The following GRID1 variants were observed in gnomAD, a reference collection of about 807,000 sequenced individuals.
GRID1 encodes the protein glutamate receptor ionotropic, delta-1.
GRID1 carries 28 observed loss-of-function variants against 98.0 expected under a neutral mutation model. That is an observed-to-expected ratio of 0.29 (90% CI 0.21 to 0.39). GRID1 has a LOEUF of 0.39. Ranked by LOEUF, GRID1 falls within the 10% of genes least tolerant of loss-of-function variation. GRID1 has a pLI of 1.00. For synonymous variants in GRID1, 553 were observed against 538.5 expected (o/e 1.03, Z -0.37); for missense variants, 1,111 against 1,340.5 (o/e 0.83, Z 2.67).
intron 12 of GRID1, among the ~76,000 whole-genome samples, chr10:85,675,748 G>A (rs969124769): frequency 1.3e-5 from 2 of 152,220 alleles, no homozygotes; most frequent in African/African-American, 4.8e-5. Flanking sequence ...TTGCCATGCA[G>A]CCTGGTGTGA....
rs1845862059 is a variant in GRID1, at chr10:86,195,666, G to A, written c.520+10698C>T. On this transcript the variant is annotated intron_variant, in intron 3 of 15. Transcript: ENST00000327946. The surrounding 1 kb of genome is among the most constrained non-coding windows in gnomAD (Gnocchi z 4.4). Reference sequence around the variant, plus strand: ...CCGCGGCGACCACGCCATCAGGTGGGTAAGAGGATAACTTCCAGCAAGGAA... The same window carrying A: ...CCGCGGCGACCACGCCATCAGGTGGATAAGAGGATAACTTCCAGCAAGGAA... 6.6e-6 allele frequency among the ~76,000 whole-genome samples: 1 copy of A among 152,160 alleles called. No homozygotes were observed. The highest frequency in any genetic ancestry group is 2.4e-5 in the African/African-American group (1 of 41,458).
chr10:85,899,678 G>A (rs1841351390), intron 5 of GRID1, among the ~76,000 whole-genome samples: 1 of 152,132 alleles, frequency 6.6e-6, no homozygotes, highest in African/African-American at 2.4e-5. Flanking sequence ...GCTTCTGAGG[G>A]CAACCCCTCG....
chr10:86,152,863 T>G (rs1452425619), intron 3 of GRID1, among the ~76,000 whole-genome samples: 1 of 152,344 alleles, frequency 6.6e-6, no homozygotes, highest in South Asian at 2.1e-4. Context: ...CAGGGAGGCT[T>G]CTGCCTTCAC....
At chr10:85,743,953 T>C (rs1841974069) in intron 8 of GRID1, among the ~76,000 whole-genome samples, 2 of 152,138 alleles carry the variant, frequency 1.3e-5, no homozygotes, top group Non-Finnish European at 2.9e-5. Flanking sequence ...AGAATTTAAA[T>C]AAAGTATATA....
chr10:86,161,634 T>C (rs928488979), intron 3 of GRID1, among the ~76,000 whole-genome samples: 2 of 152,106 alleles, frequency 1.3e-5, no homozygotes, highest in African/African-American at 4.8e-5. Flanking sequence ...GGAGGGCTTA[T>C]CTCTCATCAG....
chr10:85,630,619 G>A (rs1842964501), intron 13 of GRID1, among the ~76,000 whole-genome samples: 1 of 152,040 alleles, frequency 6.6e-6, no homozygotes, highest in Non-Finnish European at 1.5e-5. Context: ...GGCACAGGTG[G>A]TCCTTCAAGT....
chr10:86,268,733 A>G (rs1158943298), intron 2 of GRID1, among the ~76,000 whole-genome samples: 2 of 152,210 alleles, frequency 1.3e-5, no homozygotes, highest in Non-Finnish European at 2.9e-5. Flanking sequence ...GCTCACACCT[A>G]TAATCCCAGC....
chr10:85,841,709 A>T (rs1416828370), intron 8 of GRID1, among the ~76,000 whole-genome samples: 1 of 152,184 alleles, frequency 6.6e-6, no homozygotes, highest in Non-Finnish European at 1.5e-5. Context: ...CAGGTAGCCA[A>T]AAATAATATG....
At chr10:86,005,836 T>C (rs1262351886) in intron 4 of GRID1, among the ~76,000 whole-genome samples, 4 of 152,238 alleles carry the variant, frequency 2.6e-5, no homozygotes, top group Admixed American at 6.5e-5. Flanking sequence ...ACACAGGCCC[T>C]ATCTGGTCTC....
At chr10:85,631,998 C>T (rs1179592716) in intron 13 of GRID1, among the ~76,000 whole-genome samples, 3 of 118,114 alleles carry the variant, frequency 2.5e-5, no homozygotes, top group Non-Finnish European at 6.1e-5. Context: ...CACACACACA[C>T]ACACACACAC....
chr10:86,111,842 G>A (rs1189508519), intron 4 of GRID1, among the ~76,000 whole-genome samples: 2 of 152,190 alleles, frequency 1.3e-5, no homozygotes, highest in African/African-American at 4.8e-5. Flanking sequence ...TTAACCTGCT[G>A]GAAAGTGCCA....
At chr10:85,967,972 T>C (rs1006516114) in intron 4 of GRID1, among the ~76,000 whole-genome samples, 1 of 152,280 alleles carries the variant, frequency 6.6e-6, no homozygotes, top group Admixed American at 6.5e-5. Flanking sequence ...TAAATGAGAA[T>C]GGATAAAATT....
chr10:85,986,869 C>G (rs1431481074), intron 4 of GRID1, among the ~76,000 whole-genome samples: 1 of 152,134 alleles, frequency 6.6e-6, no homozygotes, highest in African/African-American at 2.4e-5. Context: ...TATAAAGAAC[C>G]AGAGTCTGTT....
At chr10:86,088,127 A>G (rs1476170414) in intron 4 of GRID1, among the ~76,000 whole-genome samples, 1 of 152,164 alleles carries the variant, frequency 6.6e-6, no homozygotes, top group Non-Finnish European at 1.5e-5. Flanking sequence ...CCCAATTCTC[A>G]AGTTTCCCCA....
At chr10:85,846,113 C>T (rs1843002758) in intron 8 of GRID1, among the ~76,000 whole-genome samples, 1 of 152,312 alleles carries the variant, frequency 6.6e-6, no homozygotes, top group Non-Finnish European at 1.5e-5. Context: ...AAGGGTTACA[C>T]TTCAGTTTAT....
intron 4 of GRID1, among the ~76,000 whole-genome samples, chr10:85,975,503 A>T (rs930088399): frequency 6.6e-5 from 10 of 152,346 alleles, no homozygotes; most frequent in African/African-American, 1.4e-4. Flanking sequence ...AAAATAAAAT[A>T]AAAAAGCTAT....
chr10:85,701,381 GA>G (rs34546552), intron 12 of GRID1, among the ~76,000 whole-genome samples: 55,649 of 149,048 alleles, frequency 0.37, 10,930 homozygotes, highest in Middle Eastern at 0.5. Context: ...TGGACGCCAA[GA>G]AAAAAAAAAG....
chr10:86,304,325 G>A (rs770026948), intron 2 of GRID1, among the ~76,000 whole-genome samples: 1 of 152,294 alleles, frequency 6.6e-6, no homozygotes, highest in East Asian at 1.9e-4. Flanking sequence ...TCTGGCAGAG[G>A]GGACTCCTCC....
chr10:86,278,604 C>T, intron 2 of GRID1, among the ~76,000 whole-genome samples: 1 of 152,076 alleles, frequency 6.6e-6, no homozygotes, highest in Non-Finnish European at 1.5e-5. Flanking sequence ...GATATTACTA[C>T]AGATACTACA....
Sources: allele counts gnomAD v4.1 joint callset (sites outside exome capture counted in the v4.1 genomes callset), GRCh38; gene constraint gnomAD v4.1.1; non-coding constraint Gnocchi (gnomAD v3.1); transcripts MANE v1.5; gene names NCBI Gene and HGNC (gene_info 2026-07-23, HGNC 2026-07-21).